Variants in CTNNA2 observed in about 807,000 individuals in gnomAD.
CTNNA2 encodes catenin alpha 2, also known as catenin alpha-2.
In CTNNA2, 42 loss-of-function variants were observed where a neutral mutation model predicts 101.0. The ratio of observed to expected loss-of-function variants is 0.42; its 90% CI spans 0.32 to 0.54. The LOEUF (loss-of-function observed/expected upper bound fraction) is 0.54. CTNNA2 is among the 20% of genes least tolerant of loss of function. The probability of loss-of-function intolerance (pLI) is 0.14; values close to 1 mark genes in which losing one functional copy is unlikely to be tolerated. For synonymous variants in CTNNA2, 450 were observed against 456.4 expected (o/e 0.99, Z 0.18); for missense variants, 871 against 1,223.1 (o/e 0.71, Z 4.29).
chr2:79,201,431 A>C (rs1674033992), intron 2 of CTNNA2, among the ~76,000 whole-genome samples: 1 of 136,878 alleles, frequency 7.3e-6, no homozygotes, highest in Non-Finnish European at 1.6e-5. Flanking sequence ...AAGCAGGAAA[A>C]AACTCAAATT....
intron 9 of CTNNA2, among the ~76,000 whole-genome samples, chr2:80,424,936 C>T (rs1680863409): frequency 6.6e-6 from 1 of 152,172 alleles, no homozygotes; most frequent in South Asian, 2.1e-4. Context: ...AGTTGGCTGC[C>T]TCAGCGGGGC....
At position 80,402,043 on chromosome 2, in the gene CTNNA2, T is replaced by C. The variant is rs138817583; in HGVS notation, c.1137+8752T>C. ...AGTAGTAGGTTGTCACCTATATTTC[T>C]GACTGACCAGCTATACATTGGGGGA... On this transcript the variant is annotated intron_variant, in intron 8 of 18. Transcript: ENST00000402739. Among the ~76,000 whole-genome samples, 33 of 152,350 alleles carry C rather than the reference T, an allele frequency of 2.2e-4. No individual in the cohort carries two copies. In the East Asian group the frequency reaches 6.4e-3, roughly 29 times the overall value.
intron 1 of CTNNA2, among the ~76,000 whole-genome samples, chr2:79,617,279 A>T (rs1678691624): frequency 6.6e-6 from 1 of 151,982 alleles, no homozygotes; most frequent in Admixed American, 6.6e-5. Flanking sequence ...TCAGTTCTTA[A>T]ATTTTCTGTT....
Position 79,903,935 on chromosome 2 carries a change from GC to G in CTNNA2, c.853-5653del, listed in dbSNP as rs555153307. ...CAGATGGAGATGGTCAGTTAACTAT[GC>G]CCCCCAGCAGTTTAACTCAGAGGAG... On this transcript the variant is annotated intron_variant, in intron 6 of 18. Coordinates refer to ENST00000402739, the MANE Select transcript of CTNNA2 (RefSeq NM_001282597.3). Among the ~76,000 whole-genome samples, 12 of 152,260 alleles carry G rather than the reference GC, an allele frequency of 7.9e-5. No individual in the cohort carries two copies. The East Asian group carries it at 2.3e-3, about 29-fold the overall frequency.
chr2:79,763,664 TATC>T (rs1672951644), intron 3 of CTNNA2, among the ~76,000 whole-genome samples: 1 of 152,216 alleles, frequency 6.6e-6, no homozygotes, highest in Admixed American at 6.5e-5. Context: ...GATCTGGTAA[TATC>T]ATCCATCTGC....
chr2:80,570,288 A>G (rs779322527), intron 12 of CTNNA2, among the ~76,000 whole-genome samples: 5 of 152,192 alleles, frequency 3.3e-5, no homozygotes, highest in African/African-American at 4.8e-5. Flanking sequence ...ACCTCAGGTG[A>G]TCCACCCACC....
At chr2:79,674,640 A>G (rs1683067353) in intron 2 of CTNNA2, among the ~76,000 whole-genome samples, 2 of 152,214 alleles carry the variant, frequency 1.3e-5, no homozygotes, top group Admixed American at 6.5e-5. Context: ...CTAGTTCTCT[A>G]GTATGTAGAC....
intron 3 of CTNNA2, among the ~76,000 whole-genome samples, chr2:79,849,066 A>T (rs10165173): frequency 2.6e-5 from 4 of 152,106 alleles, no homozygotes; most frequent in African/African-American, 9.7e-5. Context: ...AGGAGTTTTC[A>T]TCCGGATCTG....
At chr2:80,304,985 C>T (rs1676783243) in intron 7 of CTNNA2, 1 of 835,534 alleles carries the variant, frequency 1.2e-6, no homozygotes, top group African/African-American at 1.9e-5. Context: ...AAGATATTTC[C>T]AAGTGGGAAA....
intron 7 of CTNNA2, among the ~76,000 whole-genome samples, chr2:80,137,086 A>C (rs1210631181): frequency 6.6e-6 from 1 of 152,208 alleles, no homozygotes; most frequent in Non-Finnish European, 1.5e-5. Flanking sequence ...GAAATAAAAG[A>C]TATGTCTCTT....
chr2:79,540,090 T>G (rs1673313949), intron 1 of CTNNA2, among the ~76,000 whole-genome samples: 1 of 152,186 alleles, frequency 6.6e-6, no homozygotes, highest in Admixed American at 6.5e-5. Flanking sequence ...TGCTGATGTT[T>G]CCCCAGAACC....
chr2:80,017,313 G>T (rs1205392622), intron 7 of CTNNA2, among the ~76,000 whole-genome samples: 1 of 152,012 alleles, frequency 6.6e-6, no homozygotes, highest in Non-Finnish European at 1.5e-5. Context: ...TGAAAGGATG[G>T]ATGAGTGTGT....
intron 18 of CTNNA2, among the ~76,000 whole-genome samples, chr2:80,632,845 T>G (rs1672441762): frequency 6.6e-6 from 1 of 152,210 alleles, no homozygotes; most frequent in Admixed American, 6.5e-5. Flanking sequence ...ACAAGTATTT[T>G]ATTTTCTCAC....
intron 9 of CTNNA2, among the ~76,000 whole-genome samples, chr2:80,514,232 G>A (rs1438479915): frequency 6.6e-6 from 1 of 152,154 alleles, no homozygotes; most frequent in African/African-American, 2.4e-5. Context: ...GAGTGCATGA[G>A]TGAGCAAGTA....
intron 7 of CTNNA2, among the ~76,000 whole-genome samples, chr2:80,071,772 C>T (rs568066257): frequency 2.0e-5 from 3 of 152,068 alleles, no homozygotes; most frequent in Non-Finnish European, 2.9e-5. Context: ...ATGAGCTCAT[C>T]GGCAGGGGTT....
intron 4 of CTNNA2, among the ~76,000 whole-genome samples, chr2:79,407,765 A>T (rs1270946445): frequency 6.6e-6 from 1 of 152,016 alleles, no homozygotes; most frequent in African/African-American, 2.4e-5. Flanking sequence ...ACAGAAAAGG[A>T]TAGTCTTACC....
chr2:80,222,628 A>C (rs1200481048), intron 7 of CTNNA2, among the ~76,000 whole-genome samples: 1 of 152,162 alleles, frequency 6.6e-6, no homozygotes, highest in African/African-American at 2.4e-5. Context: ...CACAATACAT[A>C]AATTAGTTAG....
At chr2:79,635,045 A>C (rs1445005249) in intron 1 of CTNNA2, among the ~76,000 whole-genome samples, 6 of 152,188 alleles carry the variant, frequency 3.9e-5, no homozygotes, top group Non-Finnish European at 8.8e-5. Flanking sequence ...AGAGGGGGTA[A>C]GATTGAAGGC....
Position 80,547,711 on chromosome 2 carries a change from T to C in CTNNA2, c.1540+1648T>C, listed in dbSNP as rs530939587. 3.9e-3 allele frequency among the ~76,000 whole-genome samples: 593 copies of C among 150,150 alleles called. 2 individuals are homozygous for C. Among genetic ancestry groups the C allele is most frequent in the Non-Finnish European group, 7.4e-3 (501 of 67,540 alleles). ...TCTGCTTTTTTTTTTTTTTTTGAGATGGAGTTTCACTCTTGTTGCCCAGGC... is the reference window on the plus strand; with the variant it reads ...TCTGCTTTTTTTTTTTTTTTTGAGACGGAGTTTCACTCTTGTTGCCCAGGC... On this transcript the variant is annotated intron_variant, in intron 11 of 18. Transcript: ENST00000402739.
Sources: gnomAD v4.1 joint callset for allele counts (sites outside exome capture counted in the v4.1 genomes callset) on GRCh38, gnomAD v4.1.1 for gene constraint, MANE v1.5 for transcripts, NCBI Gene and HGNC (gene_info 2026-07-23, HGNC 2026-07-21) for gene names.